The following CFAP299 variants were observed in gnomAD, a reference collection of about 807,000 sequenced individuals.
The protein encoded by CFAP299 is cilia and flagella associated protein 299, also known as cilia- and flagella-associated protein 299.
Under a neutral mutation model 27.0 loss-of-function variants are expected in CFAP299, and 21 were observed. The ratio of observed to expected loss-of-function variants is 0.78; its 90% CI spans 0.55 to 1.12. CFAP299 has a LOEUF of 1.12. Among genes scored for constraint, CFAP299 ranks in the 50% most tolerant of loss-of-function variants. The pLI is 0.00. For synonymous variants in CFAP299, 104 were observed against 98.1 expected (o/e 1.06, Z -0.36); for missense variants, 310 against 276.6 (o/e 1.12, Z -0.86).
chr4:80,329,418 C>G, the CFAP299 span, among the ~76,000 whole-genome samples: 4 of 152,026 alleles, frequency 2.6e-5, no homozygotes, highest in African/African-American at 9.7e-5. Context: ...TGGTTGCACT[C>G]TCAAAGCCTA....
intron 3 of CFAP299, among the ~76,000 whole-genome samples, chr4:80,688,534 AC>A (rs1158332005): frequency 1.3e-5 from 2 of 152,162 alleles, no homozygotes; most frequent in Non-Finnish European, 2.9e-5. Flanking sequence ...CACAGCAAAA[AC>A]CCATCTGTAC....
At chr4:80,640,939 A>G (rs770632465) in intron 3 of CFAP299, among the ~76,000 whole-genome samples, 2 of 152,198 alleles carry the variant, frequency 1.3e-5, no homozygotes, top group African/African-American at 2.4e-5. Context: ...TATGCAAACA[A>G]ATATGCTATA....
chr4:80,527,951 G>T (rs1045869215), intron 2 of CFAP299, among the ~76,000 whole-genome samples: 1 of 152,054 alleles, frequency 6.6e-6, no homozygotes, highest in South Asian at 2.1e-4. Flanking sequence ...ATTACAAGTG[G>T]CAGTAGGTAG....
chr4:80,481,114 G>GA (rs1268190264), intron 2 of CFAP299, among the ~76,000 whole-genome samples: 1 of 151,978 alleles, frequency 6.6e-6, no homozygotes, highest in Non-Finnish European at 1.5e-5. Flanking sequence ...ATAGTGTGTT[G>GA]AAAAAAACTT....
chr4:80,861,348 A>G (rs999603939), intron 3 of CFAP299, among the ~76,000 whole-genome samples: 10 of 152,066 alleles, frequency 6.6e-5, no homozygotes, highest in African/African-American at 2.4e-4. Flanking sequence ...GAACTCCCTG[A>G]CCCCTTGCGC....
chr4:80,898,407 T>C (rs966973430), intron 4 of CFAP299, among the ~76,000 whole-genome samples: 10 of 151,940 alleles, frequency 6.6e-5, no homozygotes, highest in African/African-American at 2.4e-4. Flanking sequence ...AAACTTAGTC[T>C]CTAATATCCA....
chr4:80,908,324 T>C (rs1434715498), intron 4 of CFAP299, among the ~76,000 whole-genome samples: 1 of 152,214 alleles, frequency 6.6e-6, no homozygotes, highest in Non-Finnish European at 1.5e-5. Flanking sequence ...GAATACAAAG[T>C]CTGTAACACT....
intron 4 of CFAP299, among the ~76,000 whole-genome samples, chr4:80,914,055 C>A (rs936137846): frequency 6.6e-6 from 1 of 152,106 alleles, no homozygotes; most frequent in Non-Finnish European, 1.5e-5. Flanking sequence ...GAGTACTATT[C>A]CACTATAAAG....
At chr4:80,473,107 A>G (rs1296822188) in intron 2 of CFAP299, among the ~76,000 whole-genome samples, 1 of 152,154 alleles carries the variant, frequency 6.6e-6, no homozygotes, top group African/African-American at 2.4e-5. Flanking sequence ...TCATTACAAT[A>G]CAATATTACA....
chr4:80,553,630 T>A (rs1578589937), intron 2 of CFAP299, among the ~76,000 whole-genome samples: 1 of 152,286 alleles, frequency 6.6e-6, no homozygotes, highest in East Asian at 1.9e-4. Flanking sequence ...ACCAACAGTG[T>A]GTAACTGTTC....
chr4:80,757,221 A>G (rs1422731127), intron 3 of CFAP299, among the ~76,000 whole-genome samples: 1 of 152,068 alleles, frequency 6.6e-6, no homozygotes, highest in Admixed American at 6.6e-5. Context: ...GAGAAATTAG[A>G]TTTCTTTTTT....
intron 3 of CFAP299, among the ~76,000 whole-genome samples, chr4:80,674,368 A>T (rs1026908277): frequency 6.6e-6 from 1 of 152,158 alleles, no homozygotes; most frequent in African/African-American, 2.4e-5. Context: ...CTTCTGGCTT[A>T]TAGAGTTTCT....
At chr4:80,764,534 G>A (rs1026859278) in intron 3 of CFAP299, among the ~76,000 whole-genome samples, 3 of 152,154 alleles carry the variant, frequency 2.0e-5, no homozygotes, top group Non-Finnish European at 4.4e-5. Flanking sequence ...AAGACAGTAT[G>A]GTGATTCCTC....
intron 2 of CFAP299, among the ~76,000 whole-genome samples, chr4:80,435,415 C>CTAA (rs1165342628): frequency 6.6e-6 from 1 of 152,134 alleles, no homozygotes; most frequent in Non-Finnish European, 1.5e-5. Flanking sequence ...ATATATGGAA[C>CTAA]TAATCCAAAA....
At chr4:80,762,437 T>C (rs1725589470) in intron 3 of CFAP299, among the ~76,000 whole-genome samples, 1 of 152,134 alleles carries the variant, frequency 6.6e-6, no homozygotes. Context: ...ATTCCAAAAA[T>C]TGTAAAGTGG....
At chr4:80,700,259 A>G (rs1721387968) in intron 3 of CFAP299, among the ~76,000 whole-genome samples, 2 of 152,102 alleles carry the variant, frequency 1.3e-5, no homozygotes, top group Non-Finnish European at 1.5e-5. Flanking sequence ...ATCAAATAAT[A>G]TTAATAGTAA....
chr4:80,386,843 T>C (rs1725036142), intron 2 of CFAP299: 1 of 881,958 alleles, frequency 1.1e-6, no homozygotes, highest in Admixed American at 1.7e-5. Context: ...GATCAACATG[T>C]CTCTCTTACA....
intron 3 of CFAP299, among the ~76,000 whole-genome samples, chr4:80,622,842 G>A (rs1172948441): frequency 6.6e-6 from 1 of 152,098 alleles, no homozygotes; most frequent in African/African-American, 2.4e-5. Context: ...CTTGAAACTA[G>A]AGATAATGGG....
At chr4:80,635,290 A>G (rs576027179) in intron 3 of CFAP299, among the ~76,000 whole-genome samples, 32 of 152,254 alleles carry the variant, frequency 2.1e-4, no homozygotes, top group African/African-American at 7.2e-4. Flanking sequence ...GTCATATGCA[A>G]CTTTTCCCAT....
Sources: allele counts gnomAD v4.1 joint callset (sites outside exome capture counted in the v4.1 genomes callset), GRCh38; gene constraint gnomAD v4.1.1; transcripts MANE v1.5; gene names NCBI Gene and HGNC (gene_info 2026-07-23, HGNC 2026-07-21).